The following DNAH9 variants were observed in gnomAD, a reference collection of about 807,000 sequenced individuals.
DNAH9 encodes DNAH9 variant protein.
A neutral mutation model predicts 471.6 loss-of-function variants in DNAH9; 345 were observed. That is an observed-to-expected ratio of 0.73 (90% CI 0.67 to 0.80). The LOEUF (loss-of-function observed/expected upper bound fraction) is 0.80. Ranked by LOEUF, DNAH9 falls within the 30% of genes least tolerant of loss-of-function variation. The pLI, the probability that DNAH9 is intolerant of heterozygous loss-of-function variation, is 0.00. For synonymous variants in DNAH9, 2,093 were observed against 2,123.6 expected, an observed-to-expected ratio of 0.99 and a Z score of 0.40; for missense variants, 5,407 against 5,609.2, an observed-to-expected ratio of 0.96 and a Z score of 1.15.
At position 11,806,108 on chromosome 17, in the gene DNAH9, A is replaced by G. The variant is rs73975510; in HGVS notation, c.8421-1624A>G. 3.3e-3 allele frequency among the ~76,000 whole-genome samples: 498 copies of G among 152,304 alleles called. 3 individuals carry two copies. The highest frequency in any genetic ancestry group is 0.012 in the African/African-American group (480 of 41,570). On this transcript the variant is annotated intron_variant, in intron 43 of 68. Transcript: ENST00000262442. ...TCTCTTCTTCCAAAAACATTTCTCT[A>G]AAGCAGCTTGATCACTGTGTTACGT...
In DNAH9 at chr17:11,894,353, T is replaced by C. The variant is rs1973157900; in HGVS notation, c.11284-21T>C. 3.1e-6 allele frequency: 5 copies of C among 1,612,464 alleles called. No individual in the cohort carries two copies. In the African/African-American group the frequency reaches 5.3e-5, roughly 17 times the overall value. On this transcript the variant is annotated intron_variant, in intron 58 of 68. Transcript: ENST00000262442. ...CTGGCTACAAGCTAAAGAAATGCAG[T>C]ATCATTTCTCCACATTGCAGATTCT...
At chr17:11,634,983 T>C (rs543114834) in intron 8 of DNAH9, among the ~76,000 whole-genome samples, 60 of 152,252 alleles carry the variant, frequency 3.9e-4, no homozygotes, top group African/African-American at 1.4e-3. Flanking sequence ...CTTAGACAAA[T>C]GCAGACTGTT....
intron 26 of DNAH9, among the ~76,000 whole-genome samples, chr17:11,707,806 T>C (rs1277229362): frequency 6.6e-6 from 1 of 152,076 alleles, no homozygotes; most frequent in Non-Finnish European, 1.5e-5. Context: ...CTGGAGTTCA[T>C]TCCACCTCAG....
At chr17:11,696,608 T>C (rs539795028) in intron 22 of DNAH9, among the ~76,000 whole-genome samples, 1 of 152,262 alleles carries the variant, frequency 6.6e-6, no homozygotes, top group South Asian at 2.1e-4. Context: ...CATAAGTTGT[T>C]TTGTCTTTGA....
chr17:11,852,908 T>G (rs1463526746), intron 49 of DNAH9, among the ~76,000 whole-genome samples: 1 of 143,938 alleles, frequency 6.9e-6, no homozygotes, highest in African/African-American at 2.5e-5. Flanking sequence ...TATATATATA[T>G]AAAAGAAAGT....
chr17:11,768,667 C>G (rs1968071997), intron 37 of DNAH9, 41 bp downstream of exon 37: 3 of 1,596,678 alleles, frequency 1.9e-6, no homozygotes, highest in Non-Finnish European at 1.7e-6. Flanking sequence ...GTGCAGTTGC[C>G]CTCAAGGATC....
chr17:11,943,450 G>A (rs1476577707), intron 67 of DNAH9, among the ~76,000 whole-genome samples: 2 of 152,032 alleles, frequency 1.3e-5, no homozygotes, highest in African/African-American at 2.4e-5. Context: ...AGCCCAAGGC[G>A]GGCGGATCAC....
Position 11,962,295 on chromosome 17 carries a change from G to A in DNAH9, c.13233+39G>A, listed in dbSNP as rs780699352. ...TGAACCAAAGGGCAGCTTTCTGGGG[G>A]CTGATTAAATACACATTGCTTCCTA... On this transcript the variant is annotated intron_variant, in intron 68 of 68. Coordinates refer to ENST00000262442, the MANE Select transcript of DNAH9 (RefSeq NM_001372.4). The surrounding 1 kb of genome is among the most constrained non-coding windows in gnomAD (Gnocchi z 4.1). 6.5e-6 allele frequency: 10 copies of A among 1,537,610 alleles called. No homozygotes were observed. The Middle Eastern group carries it at 8.2e-4, about 125-fold the overall frequency.
At chr17:11,949,340 TTTAAG>T (rs910965636) in intron 67 of DNAH9, among the ~76,000 whole-genome samples, 2 of 152,170 alleles carry the variant, frequency 1.3e-5, no homozygotes, top group African/African-American at 2.4e-5. Context: ...GGTCCAGTGT[TTTAAG>T]TTTTCTCTTT....
chr17:11,869,536 C>T (rs1366675788), intron 51 of DNAH9, among the ~76,000 whole-genome samples: 2 of 151,752 alleles, frequency 1.3e-5, no homozygotes, highest in African/African-American at 2.4e-5. Flanking sequence ...TGTGTATTGA[C>T]CAGAGGAAAC....
rs71142247 is a variant in DNAH9 at position 11,798,432 on chromosome 17, CAAAAAAAAAAA to C, written c.8420+655_8420+665del. Among the ~76,000 whole-genome samples the C allele has an allele frequency of 1.7e-3, 107 of 61,612 alleles. 1 individual carries two copies. In the South Asian group the frequency reaches 0.029, roughly 16 times the overall value. 40.4% of individuals were successfully genotyped at this position (61,612 alleles called of 152,430 possible). On this transcript the variant is annotated intron_variant, in intron 43 of 68. Coordinates refer to ENST00000262442, the MANE Select transcript of DNAH9 (RefSeq NM_001372.4). ...TGGGCGACAGAGCAAGACTCTGCCT[CAAAAAAAAAAA>C]AAAAAAAAAAAAAAAGAGAGAGAGA...
At chr17:11,600,003 A>G (rs541373107) in intron 1 of DNAH9, among the ~76,000 whole-genome samples, 1 of 152,128 alleles carries the variant, frequency 6.6e-6, no homozygotes, top group Non-Finnish European at 1.5e-5. Context: ...TCTCCCTGCT[A>G]TGTCAAGTGT....
intron 49 of DNAH9, among the ~76,000 whole-genome samples, chr17:11,848,852 T>A (rs1211039570): frequency 6.6e-6 from 1 of 152,140 alleles, no homozygotes; most frequent in Non-Finnish European, 1.5e-5. Context: ...TCTTTTTTTT[T>A]TTGAGATGGA....
intron 32 of DNAH9, 60 bp downstream of exon 32, chr17:11,747,826 C>A: frequency 1.4e-6 from 2 of 1,459,268 alleles, no homozygotes; most frequent in Non-Finnish European, 9.6e-7. Context: ...CTGTGGCGGG[C>A]TTGGATGCAG....
At position 11,739,017 on chromosome 17, in the gene DNAH9, G is replaced by A; in HGVS notation, c.5952G>A (p.Glu1984=). The change falls in exon 29 of 69, where the codon GAG becomes GAA. Residue 1984 remains glutamate, a synonymous_variant. Transcript: ENST00000262442. Reference sequence around the variant, plus strand: ...ATGCTGGCCGCACAGAGCTGCCAGAGAATCTCAAGTCTCTCTTCAGGTGAG... The same window carrying A: ...ATGCTGGCCGCACAGAGCTGCCAGAAAATCTCAAGTCTCTCTTCAGGTGAG... ...PGYAGRTELP[E]NLKSLFRPCA... The A allele has an allele frequency of 6.2e-7, 1 of 1,613,892 alleles. No homozygotes were observed. The highest frequency in any genetic ancestry group is 8.5e-7 in the Non-Finnish European group (1 of 1,179,776).
At chr17:11,860,853 G>C (rs114306536) in intron 50 of DNAH9, among the ~76,000 whole-genome samples, 1 of 152,086 alleles carries the variant, frequency 6.6e-6, no homozygotes, top group South Asian at 2.1e-4. Flanking sequence ...GAGCCACTGC[G>C]CCCTGCCAGA....
chr17:11,892,773 C>T lies in DNAH9; in HGVS notation c.11283+826C>T, dbSNP rs149768474. The stretch of plus-strand genomic sequence containing the variant: ...TTCACCATATTGGCCAGGCTCGTCT[C>T]AAACTCCTGACCTCAGGTGATCCAC... On this transcript the variant is annotated intron_variant, in intron 58 of 68. Coordinates refer to ENST00000262442, the MANE Select transcript of DNAH9 (RefSeq NM_001372.4). This position sits in a 1 kb window ranked among gnomAD's most constrained non-coding sequence, Gnocchi z 4.3. Among the ~76,000 whole-genome samples, 1,007 of 152,198 alleles carry T rather than the reference C, an allele frequency of 6.6e-3. 16 individuals are homozygous for T. Among genetic ancestry groups the T allele is most frequent in the East Asian group, 0.064 (329 of 5,160 alleles).
Position 11,891,786 on chromosome 17 carries a change from A to G in DNAH9, c.11122A>G (p.Ile3708Val), listed in dbSNP as rs1480739553. Residue 3708 changes from isoleucine (I) to valine (V), a missense_variant, in exon 58 of 69, where the codon ATC becomes GTC. Ile to Val is a conservative substitution (Grantham distance 29). Coordinates refer to ENST00000262442, the MANE Select transcript of DNAH9 (RefSeq NM_001372.4). ...MYQFSLKAFS[I>V]VFQKAVERAA... is the part of the protein sequence containing the mutation. ...TGTCTTCTGTCCCCAGGCCTTCAGT[A>G]TCGTCTTCCAGAAGGCTGTGGAGAG... 5.6e-6 allele frequency: 9 copies of G among 1,613,960 alleles called. No homozygotes were observed. Among genetic ancestry groups the G allele is most frequent in the East Asian group, 2.2e-5 (1 of 44,884 alleles).
At chr17:11,875,438 C>T (rs1597774879) in intron 53 of DNAH9, among the ~76,000 whole-genome samples, 2 of 152,184 alleles carry the variant, frequency 1.3e-5, no homozygotes, top group Non-Finnish European at 2.9e-5. Context: ...TTCACCATCC[C>T]TTGAGCTCAT....
Sources: gnomAD v4.1 joint callset for allele counts (sites outside exome capture counted in the v4.1 genomes callset) on GRCh38, gnomAD v4.1.1 for gene constraint, Gnocchi (gnomAD v3.1) non-coding constraint, MANE v1.5 for transcripts, NCBI Gene and HGNC (gene_info 2026-07-23, HGNC 2026-07-21) for gene names.